The following LZTFL1 variants were observed in gnomAD, a reference collection of about 807,000 sequenced individuals.
LZTFL1 encodes leucine zipper transcription factor like 1, also known as leucine zipper transcription factor-like protein 1.
LZTFL1 carries 25 observed loss-of-function variants against 45.9 expected under a neutral mutation model. The ratio of observed to expected loss-of-function variants is 0.54; its 90% CI spans 0.40 to 0.76. The LOEUF is 0.76. Among genes scored for constraint, LZTFL1 ranks in the 30% least tolerant of loss-of-function variants. The pLI, the probability that LZTFL1 is intolerant of heterozygous loss-of-function variation, is 0.00. For synonymous variants in LZTFL1, 93 were observed against 117.4 expected (o/e 0.79, Z 1.35); for missense variants, 277 against 331.1 (o/e 0.84, Z 1.27).
intron 1 of LZTFL1, 70 bp downstream of exon 1, chr3:45,841,919 G>T: frequency 1.3e-6 from 2 of 1,573,398 alleles, no homozygotes; most frequent in Non-Finnish European, 1.7e-6. Flanking sequence ...GGGCCCACCC[G>T]CTCAGTGTCT....
intron 3 of LZTFL1, among the ~76,000 whole-genome samples, chr3:45,855,606 G>A (rs1701379897): frequency 6.6e-6 from 1 of 152,178 alleles, no homozygotes; most frequent in Non-Finnish European, 1.5e-5. Flanking sequence ...AACAGAGGAA[G>A]TCAAACTGTC....
chr3:45,841,883 A>C, intron 1 of LZTFL1, 106 bp downstream of exon 1: 2 of 1,438,086 alleles, frequency 1.4e-6, no homozygotes, highest in East Asian at 2.5e-5. Flanking sequence ...GTGCGGCCAG[A>C]CCCAACGAGG....
rs898591225 is a variant in LZTFL1, at chr3:45,833,738, A to C, written c.384+500T>G. 2.6e-5 allele frequency among the ~76,000 whole-genome samples: 4 copies of C among 152,330 alleles called. No individual in the cohort carries two copies. In the South Asian group the frequency reaches 8.3e-4, roughly 32 times the overall value. On this transcript the variant is annotated intron_variant, in intron 4 of 9. Coordinates refer to ENST00000296135, the MANE Select transcript of LZTFL1 (RefSeq NM_020347.4). ...TCATCTCAGCAGTATTTATCCAACA[A>C]TGGAGTATTTACGGTGTGCCCGTGA...
intron 7 of LZTFL1, among the ~76,000 whole-genome samples, chr3:45,829,315 A>G (rs1700752087): frequency 6.6e-6 from 1 of 152,182 alleles, no homozygotes; most frequent in Non-Finnish European, 1.5e-5. Flanking sequence ...ATGAAGAAAT[A>G]CTTAGTACTT....
intron 4 of LZTFL1, among the ~76,000 whole-genome samples, chr3:45,847,724 T>C (rs1701239313): frequency 1.3e-5 from 2 of 152,186 alleles, no homozygotes; most frequent in African/African-American, 2.4e-5. Flanking sequence ...GGCTCAGAGA[T>C]TGCAGCTTTA....
intron 1 of LZTFL1, 66 bp from the exon 2 acceptor site, chr3:45,838,117 A>C (rs1239891780): frequency 6.7e-7 from 1 of 1,490,168 alleles, no homozygotes; most frequent in Non-Finnish European, 9.0e-7. Flanking sequence ...AACAATGAAA[A>C]TGCATAAGAT....
chr3:45,841,877 G>T, intron 1 of LZTFL1, 112 bp downstream of exon 1: 2 of 1,393,490 alleles, frequency 1.4e-6, no homozygotes, highest in Non-Finnish European at 2.0e-6. Context: ...GCTGAGGTGC[G>T]GCCAGACCCA....
At position 45,823,329 on chromosome 3, in the gene LZTFL1, A is replaced by G. The variant is rs1446151367; in HGVS notation, c.*2985T>C. On this transcript the variant is annotated 3_prime_UTR_variant, in exon 10 of 10. Transcript: ENST00000296135. Reference sequence around the variant, plus strand: ...TTCCAAGTTCCATTTTGCTTTGTCTAACAGTGGTTTTTTAATCTGTAAAAG... The same window carrying G: ...TTCCAAGTTCCATTTTGCTTTGTCTGACAGTGGTTTTTTAATCTGTAAAAG... 6.6e-6 allele frequency: 1 copy of G among 152,234 alleles called. No individual in the cohort carries two copies. The highest frequency in any genetic ancestry group is 1.5e-5 in the Non-Finnish European group (1 of 68,048). 9.4% of individuals were successfully genotyped at this position (152,234 alleles called of 1,614,324 possible). A position where few individuals can be genotyped will look rare whatever the true frequency, so the allele number is the denominator to read the frequency against.
chr3:45,826,825 C>A lies in LZTFL1; in HGVS notation c.882-493G>T, dbSNP rs116389076. 3.7e-3 allele frequency among the ~76,000 whole-genome samples: 564 copies of A among 152,300 alleles called. 6 individuals carry two copies. The highest frequency in any genetic ancestry group is 9.3e-3 in the Admixed American group (142 of 15,298). ...TGGTGGGAGCCACCACTTTAGGTTTCCCCCTGTGCGATGAGTTCTTTTAAC... is the reference window on the plus strand; with the variant it reads ...TGGTGGGAGCCACCACTTTAGGTTTACCCCTGTGCGATGAGTTCTTTTAAC... On this transcript the variant is annotated intron_variant, in intron 9 of 9. Transcript: ENST00000296135.
chr3:45,853,763 A>G (rs2125703749), intron 4 of LZTFL1, among the ~76,000 whole-genome samples: 1 of 152,368 alleles, frequency 6.6e-6, no homozygotes, highest in Non-Finnish European at 1.5e-5. Flanking sequence ...ACATTAAAAA[A>G]GAAAACAATG....
At chr3:45,910,287 G>C (rs946258412) in intron 2 of LZTFL1, among the ~76,000 whole-genome samples, 8 of 152,118 alleles carry the variant, frequency 5.3e-5, no homozygotes, top group Admixed American at 5.2e-4. Context: ...GTGGTGTAGA[G>C]AGATGGATGG....
upstream of LZTFL1, among the ~76,000 whole-genome samples, chr3:45,844,087 T>C (rs1241988876): frequency 9.7e-6 from 1 of 102,974 alleles, no homozygotes; most frequent in East Asian, 3.8e-4. Context: ...ATAAATTCTT[T>C]TTATATTATT....
chr3:45,884,948 A>C (rs989596618), intron 2 of LZTFL1, among the ~76,000 whole-genome samples: 1 of 151,932 alleles, frequency 6.6e-6, no homozygotes, highest in Non-Finnish European at 1.5e-5. Context: ...ATTTATTTGC[A>C]ATGAGCGCCC....
chr3:45,883,795 G>A, intron 2 of LZTFL1: 2 of 549,256 alleles, frequency 3.6e-6, no homozygotes, highest in South Asian at 5.2e-5. Flanking sequence ...ACTTGTCCAA[G>A]GCCCCAAGAC....
intron 2 of LZTFL1, among the ~76,000 whole-genome samples, chr3:45,899,324 G>C (rs1702471054): frequency 1.3e-5 from 2 of 152,326 alleles, no homozygotes; most frequent in South Asian, 4.1e-4. Context: ...GGAAATGCTA[G>C]ACAGATCTAC....
chr3:45,890,834 C>T (rs907811643), intron 2 of LZTFL1, among the ~76,000 whole-genome samples: 1 of 152,240 alleles, frequency 6.6e-6, no homozygotes, highest in Non-Finnish European at 1.5e-5. Context: ...AATTGGGGCA[C>T]AGCCCCTGTC....
intron 9 of LZTFL1, 68 bp downstream of exon 9, chr3:45,827,288 T>C: frequency 8.3e-7 from 1 of 1,210,366 alleles, no homozygotes; most frequent in Non-Finnish European, 1.2e-6. Flanking sequence ...TGGAACAAGC[T>C]TAGATTTAAC....
chr3:45,828,497 A>T lies in LZTFL1; in HGVS notation c.719T>A (p.Leu240Gln). ...GAGTAGATCGTGCTTGGCTGTCGCC[A>T]GATTCTCCTCCAGTGACTTCTGGTT... ...TENQKSLEEN[L>Q]ATAKHDLLRV... Residue 240 changes from leucine to glutamine, a missense_variant, in exon 8 of 10, where the codon CTG (leucine) becomes CAG (glutamine). Physicochemically the swap from Leu to Gln is moderately radical, Grantham distance 113 (BLOSUM62 -2). Coordinates refer to ENST00000296135, the MANE Select transcript of LZTFL1 (RefSeq NM_020347.4). The T allele has an allele frequency of 1.9e-6, 3 of 1,614,198 alleles. No homozygotes were observed. The highest frequency in any genetic ancestry group is 1.6e-4 in the Middle Eastern group (1 of 6,062).
chr3:45,826,835 G>A (rs1205260400), intron 9 of LZTFL1, among the ~76,000 whole-genome samples: 1 of 152,202 alleles, frequency 6.6e-6, no homozygotes, highest in East Asian at 1.9e-4. Context: ...CCCCCTGTGC[G>A]ATGAGTTCTT....
Sources: gnomAD v4.1 joint callset for allele counts (sites outside exome capture counted in the v4.1 genomes callset) on GRCh38, gnomAD v4.1.1 for gene constraint, MANE v1.5 for transcripts, NCBI Gene and HGNC (gene_info 2026-07-23, HGNC 2026-07-21) for gene names.